The following FILIP1L variants were observed in gnomAD, a reference collection of about 807,000 sequenced individuals.
The protein encoded by FILIP1L is filamin A interacting protein 1 like.
A neutral mutation model predicts 96.6 loss-of-function variants in FILIP1L; 55 were observed. That is an observed-to-expected ratio of 0.57 (90% CI 0.46 to 0.71). The LOEUF (loss-of-function observed/expected upper bound fraction) is 0.71, where lower values mean the gene tolerates loss of function less well. FILIP1L is among the 30% of genes least tolerant of loss of function. The probability of loss-of-function intolerance (pLI) is 0.00; values close to 1 mark genes in which losing one functional copy is unlikely to be tolerated. For missense variants in FILIP1L, 1,304 were observed against 1,321.2 expected, an observed-to-expected ratio of 0.99 and a Z score of 0.20; for synonymous variants, 467 against 473.9, an observed-to-expected ratio of 0.99 and a Z score of 0.19.
At chr3:100,091,101 C>T (rs542314489) in intron 1 of FILIP1L, among the ~76,000 whole-genome samples, 66 of 151,804 alleles carry the variant, frequency 4.3e-4, no homozygotes, top group Admixed American at 2.5e-3. Flanking sequence ...CTGGCTAACA[C>T]GGTGAAACCC....
intron 1 of FILIP1L, among the ~76,000 whole-genome samples, chr3:100,028,918 TATAAAC>T (rs2064975465): frequency 6.6e-6 from 1 of 152,134 alleles, no homozygotes; most frequent in Non-Finnish European, 1.5e-5. Flanking sequence ...CACACACACA[TATAAAC>T]ATAAACATAT....
intron 4 of FILIP1L, 66 bp downstream of exon 4, chr3:99,924,164 A>G: frequency 1.5e-6 from 2 of 1,309,062 alleles, no homozygotes. Flanking sequence ...TGTATCCCTG[A>G]GACCTGGTAC....
At chr3:100,084,695 A>T (rs1241856973) in intron 1 of FILIP1L, among the ~76,000 whole-genome samples, 2 of 152,226 alleles carry the variant, frequency 1.3e-5, no homozygotes, top group African/African-American at 4.8e-5. Context: ...AAACATGAGG[A>T]TATGGATATT....
intron 4 of FILIP1L, among the ~76,000 whole-genome samples, chr3:99,859,158 G>GGGTC (rs1323567140): frequency 6.6e-6 from 1 of 152,194 alleles, no homozygotes; most frequent in Non-Finnish European, 1.5e-5. Context: ...TTTTATAAAT[G>GGGTC]GGTCCATCCA....
intron 1 of FILIP1L, among the ~76,000 whole-genome samples, chr3:100,032,748 A>G (rs901631947): frequency 6.6e-6 from 1 of 152,198 alleles, no homozygotes; most frequent in Non-Finnish European, 1.5e-5. Flanking sequence ...TTTGTAGGTA[A>G]CTCACTTATA....
At chr3:100,001,746 ATCC>A (rs1242744338) in intron 1 of FILIP1L, among the ~76,000 whole-genome samples, 3 of 152,128 alleles carry the variant, frequency 2.0e-5, no homozygotes, top group African/African-American at 7.2e-5. Flanking sequence ...TGTAGGTTGG[ATCC>A]TTTGAATTTA....
Position 99,930,012 on chromosome 3 carries a change from T to G in FILIP1L, c.270A>C (p.Ile90=), listed in dbSNP as rs1707426342. ...EGELQARDEV[I]GILKAEKMDL... ...CCATTTTTTCAGCCTTTAAAATGCC[T>G]ATGACCTCATCTCGAGCCTGTAGGA... The change falls in exon 3 of 6, where the codon ATA becomes ATC. Residue 90 remains isoleucine, a synonymous_variant. Coordinates refer to ENST00000477258, the MANE Select transcript of FILIP1L (RefSeq NM_001387850.1). The G allele has an allele frequency of 3.7e-6, 6 of 1,611,360 alleles. No homozygotes were observed. In the South Asian group the frequency reaches 5.5e-5, roughly 15 times the overall value.
chr3:99,860,031 T>A (rs979006796), intron 4 of FILIP1L, among the ~76,000 whole-genome samples: 1 of 152,224 alleles, frequency 6.6e-6, no homozygotes, highest in Non-Finnish European at 1.5e-5. Flanking sequence ...AGTAACACTT[T>A]TTTTGGCATC....
At chr3:99,896,409 T>C (rs1240442156) in intron 4 of FILIP1L, among the ~76,000 whole-genome samples, 2 of 152,192 alleles carry the variant, frequency 1.3e-5, no homozygotes, top group Admixed American at 1.3e-4. Context: ...TAGTACAGCA[T>C]TTCTGTGTGT....
chr3:99,978,168 A>G (rs1224983467), intron 1 of FILIP1L, among the ~76,000 whole-genome samples: 1 of 152,224 alleles, frequency 6.6e-6, no homozygotes, highest in Admixed American at 6.5e-5. Flanking sequence ...GTAGTATATA[A>G]AAATAAAATG....
intron 5 of FILIP1L, among the ~76,000 whole-genome samples, chr3:99,845,703 G>A (rs1177803454): frequency 2.0e-5 from 3 of 152,088 alleles, no homozygotes; most frequent in Non-Finnish European, 2.9e-5. Flanking sequence ...GTCATTTTAG[G>A]TGTAATTCTA....
At chr3:99,961,676 A>G (rs1239073564) in intron 1 of FILIP1L, among the ~76,000 whole-genome samples, 2 of 152,128 alleles carry the variant, frequency 1.3e-5, no homozygotes, top group African/African-American at 4.8e-5. Context: ...GCTACTTAGA[A>G]TATTCTTTTA....
intron 1 of FILIP1L, among the ~76,000 whole-genome samples, chr3:100,078,063 G>A (rs143096895): frequency 0.011 from 1,623 of 151,224 alleles, 34 homozygotes; most frequent in African/African-American, 0.036. Flanking sequence ...TTATAAGTTA[G>A]AATTGGGCTT....
chr3:99,893,386 C>G (rs1370624468), intron 4 of FILIP1L, among the ~76,000 whole-genome samples: 1 of 152,010 alleles, frequency 6.6e-6, no homozygotes, highest in Non-Finnish European at 1.5e-5. Flanking sequence ...AGAATGGTCT[C>G]GATCTCCTGA....
rs576860716 is a variant in FILIP1L, at chr3:100,004,044, C to A, written c.-10-73014G>T. On this transcript the variant is annotated intron_variant, in intron 1 of 5. Coordinates refer to ENST00000477258, the MANE Select transcript of FILIP1L (RefSeq NM_001387850.1). ...TGCCTCTCTCAGGGTAAGCATCTTG[C>A]CTTACTCAGATGGTTACCAAAACTG... Among the ~76,000 whole-genome samples the A allele has an allele frequency of 4.6e-5, 7 of 152,248 alleles. No homozygotes were observed. The East Asian group carries it at 7.7e-4, about 17-fold the overall frequency.
intron 5 of FILIP1L, among the ~76,000 whole-genome samples, chr3:99,845,430 G>A (rs535416652): frequency 9.9e-4 from 150 of 152,190 alleles, no homozygotes; most frequent in African/African-American, 3.4e-3. Flanking sequence ...TCAGAGAGAC[G>A]AAAAAACAGT....
chr3:100,098,970 T>C (rs1398900767), intron 1 of FILIP1L, among the ~76,000 whole-genome samples: 1 of 152,240 alleles, frequency 6.6e-6, no homozygotes, highest in Non-Finnish European at 1.5e-5. Flanking sequence ...CAGCCATGCA[T>C]GGGATGTGGA....
intron 1 of FILIP1L, among the ~76,000 whole-genome samples, chr3:99,993,087 G>A (rs149723953): frequency 6.6e-6 from 1 of 151,956 alleles, no homozygotes; most frequent in Non-Finnish European, 1.5e-5. Flanking sequence ...TTTGAGTAAG[G>A]TAATGTGATA....
At chr3:100,071,459 T>C (rs567244790) in intron 1 of FILIP1L, among the ~76,000 whole-genome samples, 1 of 152,276 alleles carries the variant, frequency 6.6e-6, no homozygotes, top group South Asian at 2.1e-4. Flanking sequence ...TAGATACTGT[T>C]TCCTCTTCCT....
Sources: allele counts gnomAD v4.1 joint callset (sites outside exome capture counted in the v4.1 genomes callset), GRCh38; gene constraint gnomAD v4.1.1; transcripts MANE v1.5; gene names NCBI Gene and HGNC (gene_info 2026-07-23, HGNC 2026-07-21).